Variants in DTHD1 observed in about 807,000 individuals in gnomAD.
DTHD1 encodes the protein death domain-containing protein 1.
Under a neutral mutation model 74.8 loss-of-function variants are expected in DTHD1, and 59 were observed. That is an observed-to-expected ratio of 0.79 (90% confidence interval 0.64 to 0.98). DTHD1 has a LOEUF of 0.98. DTHD1 is among the 50% of genes least tolerant of loss of function. The pLI is 0.00. For synonymous variants in DTHD1, 365 were observed against 371.1 expected, an observed-to-expected ratio of 0.98 and a Z score of 0.19; for missense variants, 1,051 against 1,065.4, an observed-to-expected ratio of 0.99 and a Z score of 0.19.
chr4:36,306,162 C>G, intron 5 of DTHD1, 29 bp from the exon 6 acceptor site: 1 of 1,527,220 alleles, frequency 6.5e-7, no homozygotes. Context: ...GTAAATTGTA[C>G]CAATATCTCT....
chr4:36,294,184 A>C (rs920072637), intron 4 of DTHD1, among the ~76,000 whole-genome samples: 3 of 152,058 alleles, frequency 2.0e-5, no homozygotes, highest in African/African-American at 7.2e-5. Context: ...TGCAAAGGGC[A>C]TGTAAATGTA....
chr4:36,313,137 A>G (rs372967301), intron 7 of DTHD1, among the ~76,000 whole-genome samples: 1 of 152,196 alleles, frequency 6.6e-6, no homozygotes, highest in Non-Finnish European at 1.5e-5. Flanking sequence ...TTTCTATGTC[A>G]TCAATGAAAA....
At chr4:36,327,944 T>C (rs958315114) in intron 8 of DTHD1, among the ~76,000 whole-genome samples, 14 of 152,136 alleles carry the variant, frequency 9.2e-5, no homozygotes, top group Non-Finnish European at 1.5e-5. Flanking sequence ...TTTTGTCCAA[T>C]CAAGGACTGA....
intron 5 of DTHD1, among the ~76,000 whole-genome samples, chr4:36,301,509 G>A (rs1756771382): frequency 6.6e-6 from 1 of 151,890 alleles, no homozygotes; most frequent in Admixed American, 6.6e-5. Context: ...GAGAAGAGAA[G>A]TAATTAGATA....
rs752773624 is a variant in DTHD1 at position 36,316,274 on chromosome 4, C to T, written c.2128C>T (p.Leu710Phe). The stretch of plus-strand genomic sequence containing the variant: ...GAAGGATTATGGAAAAGACTACACA[C>T]TTATTTTTCACTTGCAAAGAAAACC... ...NGKDYGKDYT[L>F]IFHLQRKPRL... The change falls in exon 8 of 10, where the codon CTT (leucine) becomes TTT (phenylalanine). Residue 710 changes from leucine to phenylalanine, a missense_variant. Coordinates refer to ENST00000639862, the MANE Select transcript of DTHD1 (RefSeq NM_001170700.3). 31 of 1,551,484 alleles carry T rather than the reference C, an allele frequency of 2.0e-5. No individual in the cohort carries two copies. Among genetic ancestry groups the T allele is most frequent in the East Asian group, 4.9e-5 (2 of 40,920 alleles).
At chr4:36,339,643 T>C (rs1249529861) in intron 9 of DTHD1, among the ~76,000 whole-genome samples, 2 of 152,228 alleles carry the variant, frequency 1.3e-5, no homozygotes, top group Non-Finnish European at 2.9e-5. Flanking sequence ...ATGCTACAGA[T>C]TTCAGGGTAG....
chr4:36,282,964 G>T (rs13109301), intron 1 of DTHD1, among the ~76,000 whole-genome samples: 26,650 of 152,088 alleles, frequency 0.18, 2,957 homozygotes, highest in Non-Finnish European at 0.24. Flanking sequence ...ACCAGAATAG[G>T]AGTTAAAAAT....
At chr4:36,324,651 G>T (rs192838365) in intron 8 of DTHD1, among the ~76,000 whole-genome samples, 1 of 151,946 alleles carries the variant, frequency 6.6e-6, no homozygotes, top group Non-Finnish European at 1.5e-5. Context: ...ATTCTGTAAG[G>T]CCTAAAAGTG....
chr4:36,322,529 T>A (rs1012812687), intron 8 of DTHD1, among the ~76,000 whole-genome samples: 1 of 151,844 alleles, frequency 6.6e-6, no homozygotes, highest in Non-Finnish European at 1.5e-5. Context: ...CAGGAGAGCA[T>A]CCAAGTGGGA....
chr4:36,341,092 G>A (rs1274697981), intron 9 of DTHD1, among the ~76,000 whole-genome samples: 1 of 152,146 alleles, frequency 6.6e-6, no homozygotes, highest in Non-Finnish European at 1.5e-5. Context: ...TTTGAAGAAG[G>A]GCATAGAATG....
chr4:36,312,127 A>G (rs941743757), intron 7 of DTHD1, among the ~76,000 whole-genome samples: 3 of 152,052 alleles, frequency 2.0e-5, no homozygotes, highest in Admixed American at 6.6e-5. Context: ...TCAGTTTAGC[A>G]CTTGGATTAT....
chr4:36,324,144 C>G (rs547996928), intron 8 of DTHD1, among the ~76,000 whole-genome samples: 48 of 151,898 alleles, frequency 3.2e-4, no homozygotes, highest in African/African-American at 1.1e-3. Context: ...TCCTCCCCCC[C>G]ATTCCTTTCT....
chr4:36,307,195 T>G (rs985371204), intron 6 of DTHD1, among the ~76,000 whole-genome samples: 10 of 152,140 alleles, frequency 6.6e-5, no homozygotes, highest in African/African-American at 2.4e-4. Flanking sequence ...TGTATTAGTT[T>G]GTTAAGGCTG....
At chr4:36,318,029 A>G (rs1015113577) in intron 8 of DTHD1, among the ~76,000 whole-genome samples, 3 of 152,230 alleles carry the variant, frequency 2.0e-5, no homozygotes, top group African/African-American at 7.2e-5. Context: ...CTAATATGCC[A>G]AAGGCCTTTC....
intron 6 of DTHD1, among the ~76,000 whole-genome samples, chr4:36,307,269 A>C (rs540844850): frequency 6.6e-5 from 10 of 152,214 alleles, no homozygotes; most frequent in Non-Finnish European, 1.3e-4. Context: ...ACAGTTCTGG[A>C]GGCCAGAAGT....
rs559404506 is a variant in DTHD1, at chr4:36,290,363, C to T, written c.888-10C>T. On this transcript the variant is annotated splice_polypyrimidine_tract_variant and intron_variant, in intron 2 of 9. Transcript: ENST00000639862. ...TAATTGGAAAAATGACATTCTTTTTCCCCCTCCAGGTATCTTGATGTGCTG... is the reference window on the plus strand; with the variant it reads ...TAATTGGAAAAATGACATTCTTTTTTCCCCTCCAGGTATCTTGATGTGCTG... 6 of 1,530,728 alleles carry T rather than the reference C, an allele frequency of 3.9e-6. No individual in the cohort carries two copies. In the African/African-American group the frequency reaches 5.6e-5, roughly 14 times the overall value. 94.8% of individuals were successfully genotyped at this position (1,530,728 alleles called of 1,614,324 possible).
At chr4:36,317,662 C>G (rs773242165) in intron 8 of DTHD1, among the ~76,000 whole-genome samples, 1 of 152,080 alleles carries the variant, frequency 6.6e-6, no homozygotes, top group Non-Finnish European at 1.5e-5. Flanking sequence ...TAGTGCTTCT[C>G]TAAATGAATT....
rs1476320870 is a variant in DTHD1, at chr4:36,344,807, T to C, written c.*983T>C. The stretch of plus-strand genomic sequence containing the variant: ...TTCAGATAGTTGGGAGACTTAGAAT[T>C]TTATTTTTGGTTGACTCAGGCAACC... On this transcript the variant is annotated 3_prime_UTR_variant, in exon 10 of 10. Transcript: ENST00000639862. The C allele has an allele frequency of 6.6e-6, 1 of 152,118 alleles. No homozygotes were observed. The highest frequency in any genetic ancestry group is 1.5e-5 in the Non-Finnish European group (1 of 68,018). 9.4% of individuals were successfully genotyped at this position (152,118 alleles called of 1,614,324 possible).
intron 6 of DTHD1, among the ~76,000 whole-genome samples, chr4:36,307,898 T>C (rs1458609794): frequency 2.0e-5 from 3 of 152,192 alleles, no homozygotes; most frequent in Admixed American, 6.5e-5. Context: ...TTTACAGAGA[T>C]TGAGTTTTGC....
Sources: gnomAD v4.1 joint callset for allele counts (sites outside exome capture counted in the v4.1 genomes callset) on GRCh38, gnomAD v4.1.1 for gene constraint, MANE v1.5 for transcripts, NCBI Gene and HGNC (gene_info 2026-07-23, HGNC 2026-07-21) for gene names.